BRCC3: variants seen among roughly 807,000 people sequenced by gnomAD.
BRCC3 encodes lys-63-specific deubiquitinase BRCC36.
BRCC3 carries 15 observed loss-of-function variants against 28.0 expected under a neutral mutation model. That is an observed-to-expected ratio of 0.54 (90% confidence interval 0.36 to 0.82). The LOEUF (loss-of-function observed/expected upper bound fraction) is 0.82. Among genes scored for constraint, BRCC3 ranks in the 40% least tolerant of loss-of-function variants. The pLI is 0.01. For missense variants in BRCC3, 109 were observed against 225.9 expected (o/e 0.48, Z 3.32); for synonymous variants, 66 against 80.3 (o/e 0.82, Z 0.95).
intron 2 of BRCC3, among the ~76,000 whole-genome samples, chrX:155,072,604 C>T (rs1216005595): frequency 9.0e-6 from 1 of 111,428 alleles, no homozygotes; most frequent in African/African-American, 3.3e-5. Flanking sequence ...CTCTGTCGCC[C>T]AGGCTGGAGT....
chrX:155,089,197 T>G, intron 5 of BRCC3, 66 bp from the exon 6 acceptor site: 1 of 766,256 alleles, frequency 1.3e-6, no homozygotes, highest in East Asian at 3.5e-5. Context: ...AAGTCAATCT[T>G]TAAATCAATA....
intron 5 of BRCC3, among the ~76,000 whole-genome samples, chrX:155,084,466 C>T (rs1407380504): frequency 9.0e-6 from 1 of 111,436 alleles, no homozygotes; most frequent in Admixed American, 9.4e-5. Flanking sequence ...AGGTTCGCGC[C>T]ATTCTCCTGC....
chrX:155,104,458 T>C (rs1314726677), intron 7 of BRCC3, among the ~76,000 whole-genome samples: 1 of 112,632 alleles, frequency 8.9e-6, no homozygotes, highest in African/African-American at 3.2e-5. Flanking sequence ...TTTTTAATAC[T>C]CTGATGCTTC....
chrX:155,077,333 C>A lies in BRCC3; in HGVS notation c.315+44C>A, dbSNP rs782610496. On this transcript the variant is annotated intron_variant, in intron 4 of 10. Transcript: ENST00000330045. ...AGAAGCTTTTATGTGCTCTGGGGTT[C>A]CTGGGCCGCATTGCTGCTTGCTGCA... 19 of 1,116,691 alleles carry A rather than the reference C, an allele frequency of 1.7e-5. No homozygotes were observed. In the African/African-American group the frequency reaches 3.5e-4, roughly 20 times the overall value. The allele number at this position is 1,116,691 out of a possible 1,213,427, so 92.0% of individuals were successfully genotyped here. A position where few individuals can be genotyped will look rare whatever the true frequency, so the allele number is the denominator to read the frequency against.
At chrX:155,119,838 G>C (rs1348606679) in intron 9 of BRCC3, among the ~76,000 whole-genome samples, 161 bp from the exon 10 acceptor site, 1 of 112,032 alleles carries the variant, frequency 8.9e-6, no homozygotes, top group Non-Finnish European at 1.9e-5. Context: ...GCTGGGCACA[G>C]AAAATAGTTT....
At chrX:155,079,498 A>G (rs781881578) in intron 5 of BRCC3, among the ~76,000 whole-genome samples, 2 of 111,791 alleles carry the variant, frequency 1.8e-5, no homozygotes, top group Non-Finnish European at 3.8e-5. Context: ...CCAGACTTTA[A>G]TGAAACACGA....
chrX:155,098,420 A>G (rs1305329072), intron 7 of BRCC3, among the ~76,000 whole-genome samples: 34 of 112,515 alleles, frequency 3.0e-4, no homozygotes, highest in Non-Finnish European at 2.1e-4. Context: ...TTTTAACACT[A>G]CATTATGGTA....
At chrX:155,072,303 G>GT in intron 1 of BRCC3, 24 bp from the exon 2 acceptor site, 1 of 1,188,477 alleles carries the variant, frequency 8.4e-7, no homozygotes, top group Non-Finnish European at 1.1e-6. Context: ...GATCAATAAT[G>GT]TTTTTTGCTT....
chrX:155,080,124 A>G (rs782520816), intron 5 of BRCC3, among the ~76,000 whole-genome samples: 20 of 111,605 alleles, frequency 1.8e-4, no homozygotes, highest in Non-Finnish European at 3.6e-4. Flanking sequence ...CATTGTCAAC[A>G]CTGAAATCAG....
At chrX:155,075,358 T>TG (rs2074030389) in intron 3 of BRCC3, among the ~76,000 whole-genome samples, 1 of 111,453 alleles carries the variant, frequency 9.0e-6, no homozygotes, top group African/African-American at 3.3e-5. Context: ...CCAAGACCTC[T>TG]GCTCCCTTTC....
In BRCC3 at chrX:155,072,334, A is replaced by G. The variant is rs1557292736; in HGVS notation, c.131A>G (p.Asp44Gly). ...VMGLCIGELN[D>G]DTRSDSKFAY... ...TGCTTTTTCCCACTCTAGTTGAACG[A>G]TGATACAAGGTAAGACTGTATTTGT... The change falls in exon 2 of 11, where the codon GAT (aspartate) becomes GGT (glycine). Residue 44 changes from aspartate (D) to glycine (G), a missense_variant. Physicochemically the swap from Asp to Gly is moderately conservative, Grantham distance 94. Around this residue, in one of 3 missense-constraint regions of BRCC3, gnomAD observed 58 missense variants for 92.8 expected, o/e 0.63. Transcript: ENST00000330045. 1 of 1,197,982 alleles carries G rather than the reference A, an allele frequency of 8.3e-7. No individual in the cohort carries two copies. The highest frequency in any genetic ancestry group is 2.2e-5 in the Admixed American group (1 of 45,657).
At chrX:155,086,368 C>T (rs1490535849) in intron 5 of BRCC3, among the ~76,000 whole-genome samples, 6 of 111,939 alleles carry the variant, frequency 5.4e-5, no homozygotes, top group Non-Finnish European at 9.4e-5. Context: ...TTCCTCCCTC[C>T]GTCCCTCCCT....
intron 7 of BRCC3, among the ~76,000 whole-genome samples, chrX:155,106,151 C>G (rs971781186): frequency 8.0e-5 from 9 of 112,392 alleles, no homozygotes; most frequent in African/African-American, 2.9e-4. Context: ...GCTGTCTTTC[C>G]ACTTGCTGTA....
intron 3 of BRCC3, 48 bp from the exon 4 acceptor site, chrX:155,077,122 G>A (rs369850015): frequency 1.3e-4 from 139 of 1,096,402 alleles, no homozygotes; most frequent in Non-Finnish European, 1.6e-4. Context: ...AGGGGGATGT[G>A]TTATTGGAGA....
At chrX:155,113,119 CTTTTTTTTTTTTTT>C (rs35621321) in intron 7 of BRCC3, among the ~76,000 whole-genome samples, 7 of 30,811 alleles carry the variant, frequency 2.3e-4, no homozygotes, top group African/African-American at 8.9e-4. Context: ...GGCTTGCTTG[CTTTTTTTTTTTTTT>C]TTTTTTTTTT....
chrX:155,071,848 C>A (rs1475460569), intron 1 of BRCC3, among the ~76,000 whole-genome samples, 198 bp downstream of exon 1: 1 of 111,761 alleles, frequency 8.9e-6, no homozygotes, highest in Non-Finnish European at 1.9e-5. Context: ...CCTGCGAGCC[C>A]CCGGCGGTCT....
intron 5 of BRCC3, among the ~76,000 whole-genome samples, chrX:155,085,359 T>C (rs1244026701): frequency 8.9e-6 from 1 of 112,812 alleles, no homozygotes; most frequent in Non-Finnish European, 1.9e-5. Context: ...GTTTCTTAAA[T>C]ACCTGTGTAA....
At chrX:155,118,765 G>T (rs1296233440) in intron 9 of BRCC3, among the ~76,000 whole-genome samples, 1 of 111,591 alleles carries the variant, frequency 9.0e-6, no homozygotes, top group Admixed American at 9.5e-5. Flanking sequence ...AACAGAGGAA[G>T]AACTCACCCC....
intron 7 of BRCC3, among the ~76,000 whole-genome samples, chrX:155,093,990 T>A (rs1327341180): frequency 8.9e-6 from 1 of 112,033 alleles, no homozygotes; most frequent in Non-Finnish European, 1.9e-5. Context: ...TTTATTTTAT[T>A]GATATGATAT....
Sources: gnomAD v4.1 joint callset for allele counts (sites outside exome capture counted in the v4.1 genomes callset) on GRCh38, gnomAD v4.1.1 for gene constraint, gnomAD v4.1.1 regional missense constraint, MANE v1.5 for transcripts, NCBI Gene and HGNC (gene_info 2026-07-23, HGNC 2026-07-21) for gene names.